Variants in UGT2B4 observed in about 807,000 individuals in gnomAD.
UGT2B4 encodes UDP glucuronosyltransferase family 2 member B4.
Under a neutral mutation model 49.8 loss-of-function variants are expected in UGT2B4, and 49 were observed. The ratio of observed to expected loss-of-function variants is 0.98; its 90% CI spans 0.78 to 1.25. The LOEUF is 1.25. Among genes scored for constraint, UGT2B4 ranks in the 50% most tolerant of loss-of-function variants. The pLI is 0.00. For missense variants in UGT2B4, 729 were observed against 627.7 expected (o/e 1.16, Z -1.73); for synonymous variants, 246 against 217.7 (o/e 1.13, Z -1.14).
chr4:69,500,503 A>AGAAG (rs34150311), upstream of UGT2B4, among the ~76,000 whole-genome samples: 1 of 145,874 alleles, frequency 6.9e-6, no homozygotes, highest in Non-Finnish European at 1.5e-5. Flanking sequence ...CAAGAAAGAA[A>AGAAG]GAAGGAAGGA....
At position 69,480,776 on chromosome 4, in the gene UGT2B4, T is replaced by C. The variant is rs762114586; in HGVS notation, c.1445A>G (p.Asp482Gly). The change falls in exon 6 of 6, where the codon GAC becomes GGC. Residue 482 changes from aspartate to glycine, a missense_variant. Coordinates refer to ENST00000305107, the MANE Select transcript of UGT2B4 (RefSeq NM_021139.3). Reference sequence around the variant, plus strand: ...AGAGTGGTACTGGAACCAGGTGAGGTCGTGGGCTGCAACCCGAAGGTGCTT... The same window carrying C: ...AGAGTGGTACTGGAACCAGGTGAGGCCGTGGGCTGCAACCCGAAGGTGCTT... The part of the protein sequence containing the change: ...GAKHLRVAAH[D>G]LTWFQYHSLD... 1.2e-6 allele frequency: 2 copies of C among 1,613,804 alleles called. No individual in the cohort carries two copies. Among genetic ancestry groups the C allele is most frequent in the South Asian group, 2.2e-5 (2 of 91,072 alleles).
intron 4 of UGT2B4, among the ~76,000 whole-genome samples, chr4:69,486,284 C>A (rs1391555032): frequency 2.0e-5 from 3 of 151,994 alleles, no homozygotes; most frequent in Non-Finnish European, 4.4e-5. Context: ...TTTGAAATAA[C>A]CCTACAGAGG....
chr4:69,486,405 C>G (rs1204276382), intron 4 of UGT2B4, among the ~76,000 whole-genome samples: 4 of 152,020 alleles, frequency 2.6e-5, no homozygotes, highest in Admixed American at 6.6e-5. Context: ...TACTCTGACT[C>G]TGATTGTAAA....
intron 1 of UGT2B4, among the ~76,000 whole-genome samples, chr4:69,501,788 AC>A (rs1287144323): frequency 2.0e-5 from 3 of 151,932 alleles, no homozygotes; most frequent in African/African-American, 7.3e-5. Flanking sequence ...TTCCAAGGTG[AC>A]CAGGGGCTGA....
rs756644070 is a variant in UGT2B4 at position 69,480,678 on chromosome 4, C to A, written c.1543G>T (p.Val515Phe). The change falls in exon 6 of 6, where the codon GTC becomes TTC. Residue 515 changes from valine to phenylalanine, a missense_variant. By Grantham distance (50) the Val-to-Phe change is conservative (BLOSUM62 -1). Coordinates refer to ENST00000305107, the MANE Select transcript of UGT2B4 (RefSeq NM_021139.3). The part of the protein sequence containing the change: ...IFIITKCLFC[V>F]WKFVRTGKKG... The stretch of plus-strand genomic sequence containing the variant: ...TTTCCTGTTCTAACAAACTTCCAGA[C>A]ACAAAACAGACATTTTGTGATGATG... 1 of 1,614,038 alleles carries A rather than the reference C, an allele frequency of 6.2e-7. No homozygotes were observed. Among genetic ancestry groups the A allele is most frequent in the Non-Finnish European group, 8.5e-7 (1 of 1,179,994 alleles).
chr4:69,509,168 C>CTTTTTTT (rs1177088839), intron 1 of UGT2B4, among the ~76,000 whole-genome samples: 4 of 43,908 alleles, frequency 9.1e-5, no homozygotes, highest in Admixed American at 3.7e-4. Flanking sequence ...TATGGAATTT[C>CTTTTTTT]TATTTTTTTT....
chr4:69,511,654 G>A (rs1259080978), intron 1 of UGT2B4, among the ~76,000 whole-genome samples: 1 of 151,866 alleles, frequency 6.6e-6, no homozygotes, highest in Non-Finnish European at 1.5e-5. Context: ...TGTTTGTCTG[G>A]GTTTGTTATC....
intron 1 of UGT2B4, among the ~76,000 whole-genome samples, chr4:69,517,092 T>G (rs1461058864): frequency 6.6e-6 from 1 of 152,048 alleles, no homozygotes; most frequent in African/African-American, 2.4e-5. Flanking sequence ...AAAACCAAAA[T>G]CATTTTTAGC....
chr4:69,493,552 A>T (rs372262041), intron 2 of UGT2B4, 141 bp downstream of exon 2: 8 of 977,050 alleles, frequency 8.2e-6, no homozygotes, highest in East Asian at 5.8e-5. Context: ...TAGTATCAAC[A>T]TGTACGTCAG....
chr4:69,496,602 C>T (rs757204266), upstream of UGT2B4, among the ~76,000 whole-genome samples: 5 of 152,054 alleles, frequency 3.3e-5, no homozygotes, highest in East Asian at 1.9e-4. Context: ...GTGCTTCTAC[C>T]GTAAGAGTCA....
chr4:69,519,779 A>G (rs1728805948), intron 1 of UGT2B4, among the ~76,000 whole-genome samples: 1 of 152,216 alleles, frequency 6.6e-6, no homozygotes, highest in Non-Finnish European at 1.5e-5. Context: ...ACAGAACTCA[A>G]AGTAATTCCT....
chr4:69,511,146 C>T (rs886988161), intron 1 of UGT2B4, among the ~76,000 whole-genome samples: 8 of 151,728 alleles, frequency 5.3e-5, no homozygotes, highest in Non-Finnish European at 1.0e-4. Context: ...TGCATGCCAC[C>T]ACGCCGGCTA....
At chr4:69,509,381 T>C (rs1312718810) in intron 1 of UGT2B4, among the ~76,000 whole-genome samples, 2 of 151,982 alleles carry the variant, frequency 1.3e-5, no homozygotes, top group Admixed American at 6.6e-5. Context: ...CATGTGGAAG[T>C]TCTATTTTTA....
intron 1 of UGT2B4, among the ~76,000 whole-genome samples, chr4:69,507,868 T>A (rs1463630293): frequency 6.6e-6 from 1 of 152,132 alleles, no homozygotes. Flanking sequence ...GACATCTAAC[T>A]AAACTAAAGA....
At chr4:69,519,979 A>G (rs571685537) in intron 1 of UGT2B4, among the ~76,000 whole-genome samples, 6 of 152,352 alleles carry the variant, frequency 3.9e-5, no homozygotes, top group Admixed American at 2.6e-4. Flanking sequence ...TTAAAAATGA[A>G]ATATAGTATC....
At chr4:69,499,339 T>C (rs1398813420), upstream of UGT2B4, among the ~76,000 whole-genome samples, 1 of 152,200 alleles carries the variant, frequency 6.6e-6, no homozygotes, top group African/African-American at 2.4e-5. Context: ...GTATATTCTG[T>C]TGTCTCTGGG....
chr4:69,518,704 C>T (rs1283896362), intron 1 of UGT2B4, among the ~76,000 whole-genome samples: 1 of 152,118 alleles, frequency 6.6e-6, no homozygotes, highest in Non-Finnish European at 1.5e-5. Context: ...CTGAAACATA[C>T]ACACATAAAC....
chr4:69,480,864 G>A lies in UGT2B4; in HGVS notation c.1357C>T (p.Pro453Ser). Residue 453 changes from proline (P) to serine (S), a missense_variant, in exon 6 of 6, where the codon CCA (proline) becomes TCA (serine). Pro to Ser is a moderately conservative substitution (Grantham distance 74). Transcript: ENST00000305107. ...MKLSRIHHDQPVKPLDRAVFW... is the reference protein window; with the variant it reads ...MKLSRIHHDQSVKPLDRAVFW... The stretch of plus-strand genomic sequence containing the variant: ...ACTGCTCGATCAAGGGGCTTCACTG[G>A]TTGATCATGATGAATTCTTGATAAT... The A allele has an allele frequency of 6.2e-7, 1 of 1,613,826 alleles. No homozygotes were observed. Among genetic ancestry groups the A allele is most frequent in the Non-Finnish European group, 8.5e-7 (1 of 1,179,808 alleles).
chr4:69,509,034 G>C (rs1303966539), intron 1 of UGT2B4, among the ~76,000 whole-genome samples: 1 of 152,078 alleles, frequency 6.6e-6, no homozygotes, highest in African/African-American at 2.4e-5. Flanking sequence ...GATTCTATGA[G>C]TTTGACTGGT....
Sources: allele counts gnomAD v4.1 joint callset (sites outside exome capture counted in the v4.1 genomes callset), GRCh38; gene constraint gnomAD v4.1.1; transcripts MANE v1.5; gene names NCBI Gene and HGNC (gene_info 2026-07-23, HGNC 2026-07-21).